Variants in SLIT3 observed in about 807,000 individuals in gnomAD.
The protein encoded by SLIT3 is slit homolog 3 protein.
In SLIT3, 68 loss-of-function variants were observed where a neutral mutation model predicts 184.0. The ratio of observed to expected loss-of-function variants is 0.37; its 90% CI spans 0.30 to 0.45. The LOEUF (loss-of-function observed/expected upper bound fraction) is 0.45. SLIT3 is among the 20% of genes least tolerant of loss of function. SLIT3 has a pLI of 1.00. For synonymous variants in SLIT3, 831 were observed against 828.6 expected, an observed-to-expected ratio of 1.00 and a Z score of -0.05; for missense variants, 1,707 against 2,026.0, an observed-to-expected ratio of 0.84 and a Z score of 3.02.
At chr5:168,883,438 T>G (rs1760032341) in intron 4 of SLIT3, 102 bp from the exon 5 acceptor site, 1 of 872,800 alleles carries the variant, frequency 1.1e-6, no homozygotes, top group African/African-American at 1.6e-5. Flanking sequence ...CTGCTGCCTC[T>G]GCGGTCAGAG....
intron 9 of SLIT3, among the ~76,000 whole-genome samples, chr5:168,799,601 T>C (rs1482011519): frequency 2.6e-5 from 4 of 152,208 alleles, no homozygotes; most frequent in Non-Finnish European, 5.9e-5. Context: ...GTCAACATGA[T>C]GCCAGGGAGC....
In SLIT3 at chr5:168,666,687, T is replaced by A. The variant is rs138833208; in HGVS notation, c.4339A>T (p.Asn1447Tyr). The A allele has an allele frequency of 1.5e-5, 25 of 1,614,100 alleles. No homozygotes were observed. The highest frequency in any genetic ancestry group is 1.6e-4 in the Middle Eastern group (1 of 6,062). The stretch of plus-strand genomic sequence containing the variant: ...CGGACTACTTGTCCCAGGCACGGAT[T>A]CTCTGCAGAGGGCATAGAAGTCAGG... ...GFSGEHCQQENPCLGQVVREV... is the reference protein window; with the variant it reads ...GFSGEHCQQEYPCLGQVVREV... The change falls in exon 36 of 36, where the codon AAT (asparagine) becomes TAT (tyrosine). Residue 1447 changes from asparagine to tyrosine, a missense_variant and splice_region_variant. Transcript: ENST00000519560.
At chr5:168,883,686 C>A (rs1005424758) in intron 4 of SLIT3, among the ~76,000 whole-genome samples, 2 of 151,550 alleles carry the variant, frequency 1.3e-5, no homozygotes, top group African/African-American at 2.4e-5. Context: ...CCCCATCCCC[C>A]CAACCCCCAC....
chr5:168,955,900 A>G lies in SLIT3; in HGVS notation c.414-72564T>C, dbSNP rs543835814. Among the ~76,000 whole-genome samples, 184 of 152,280 alleles carry G rather than the reference A, an allele frequency of 1.2e-3. 2 individuals carry two copies. Among genetic ancestry groups the G allele is most frequent in the Middle Eastern group, 3.4e-3 (1 of 294 alleles). On this transcript the variant is annotated intron_variant, in intron 4 of 35. Coordinates refer to ENST00000519560, the MANE Select transcript of SLIT3 (RefSeq NM_003062.4). ...TATCTCCATTAGGAGCTACGACTTCAGGCTCAGGGATGCCATGCCTGCTGA... is the reference window on the plus strand; with the variant it reads ...TATCTCCATTAGGAGCTACGACTTCGGGCTCAGGGATGCCATGCCTGCTGA...
At chr5:169,109,201 A>G (rs1252933931) in intron 4 of SLIT3, among the ~76,000 whole-genome samples, 2 of 152,120 alleles carry the variant, frequency 1.3e-5, no homozygotes, top group African/African-American at 4.8e-5. Context: ...GTTGCATGAG[A>G]CTCTGTCTCA....
chr5:169,050,216 G>A (rs929039862), intron 4 of SLIT3, among the ~76,000 whole-genome samples: 5 of 152,168 alleles, frequency 3.3e-5, no homozygotes, highest in African/African-American at 1.2e-4. Flanking sequence ...AATTAAAGCA[G>A]AGTCACTCGA....
intron 9 of SLIT3, among the ~76,000 whole-genome samples, chr5:168,796,325 G>T (rs369457055): frequency 6.6e-6 from 1 of 152,202 alleles, no homozygotes; most frequent in Non-Finnish European, 1.5e-5. Context: ...AGAAGGGGCC[G>T]TGGGGAATGA....
intron 9 of SLIT3, among the ~76,000 whole-genome samples, chr5:168,798,217 C>CTTTTTTTTTTTTTT (rs1448584547): frequency 1.2e-5 from 1 of 81,132 alleles, no homozygotes; most frequent in African/African-American, 7.3e-5. Context: ...TTTTCTTCTT[C>CTTTTTTTTTTTTTT]TTCTTCTTTT....
chr5:169,045,768 A>G (rs1382150405), intron 4 of SLIT3, among the ~76,000 whole-genome samples: 2 of 152,170 alleles, frequency 1.3e-5, no homozygotes, highest in Admixed American at 1.3e-4. Context: ...CTGCCTAATT[A>G]AGAAGAGTTT....
intron 19 of SLIT3, among the ~76,000 whole-genome samples, chr5:168,749,119 G>A (rs76600702): frequency 0.072 from 10,914 of 152,224 alleles, 516 homozygotes; most frequent in Non-Finnish European, 0.1. Flanking sequence ...ATCATTTAAG[G>A]GGCACCAATC....
intron 4 of SLIT3, among the ~76,000 whole-genome samples, chr5:168,979,856 G>A (rs59282035): frequency 0.053 from 8,040 of 152,226 alleles, 238 homozygotes; most frequent in African/African-American, 0.058. Flanking sequence ...AACCTTCGTA[G>A]GTTTTCAACC....
chr5:169,234,324 C>T (rs563107830), intron 3 of SLIT3, among the ~76,000 whole-genome samples: 5 of 152,272 alleles, frequency 3.3e-5, no homozygotes, highest in African/African-American at 9.6e-5. Flanking sequence ...GTCACATTTC[C>T]GCACCAACTT....
chr5:169,243,089 G>A (rs1408000289), intron 3 of SLIT3, among the ~76,000 whole-genome samples: 2 of 151,938 alleles, frequency 1.3e-5, no homozygotes, highest in East Asian at 3.9e-4. Context: ...CAAAATGAGG[G>A]TAATTACACC....
intron 4 of SLIT3, among the ~76,000 whole-genome samples, chr5:168,983,579 C>T (rs934633585): frequency 1.3e-5 from 2 of 152,104 alleles, no homozygotes; most frequent in Non-Finnish European, 2.9e-5. Flanking sequence ...CTGTGAGCCC[C>T]GAGCAAAATC....
chr5:168,911,870 A>G (rs181060671), intron 4 of SLIT3, among the ~76,000 whole-genome samples: 21 of 152,352 alleles, frequency 1.4e-4, no homozygotes, highest in Admixed American at 9.1e-4. Flanking sequence ...CATGAAACCT[A>G]CACTGCATGA....
intron 4 of SLIT3, among the ~76,000 whole-genome samples, chr5:168,933,125 G>T (rs996478066): frequency 6.6e-6 from 1 of 152,070 alleles, no homozygotes. Context: ...AGATGTGCAG[G>T]GGGGTGGTGA....
chr5:169,246,167 A>G (rs1157727795), intron 2 of SLIT3, among the ~76,000 whole-genome samples: 1 of 152,164 alleles, frequency 6.6e-6, no homozygotes, highest in Admixed American at 6.5e-5. Context: ...CTTTTGACAA[A>G]TCAGCTCTCA....
chr5:169,199,378 G>A (rs561857229), intron 3 of SLIT3, among the ~76,000 whole-genome samples: 2 of 152,128 alleles, frequency 1.3e-5, no homozygotes, highest in Non-Finnish European at 2.9e-5. Flanking sequence ...ATGAAAAGTC[G>A]CTCCAGGTGG....
intron 4 of SLIT3, among the ~76,000 whole-genome samples, chr5:169,100,218 C>T (rs566035012): frequency 6.6e-6 from 1 of 152,242 alleles, no homozygotes; most frequent in African/African-American, 2.4e-5. Context: ...GAATGGTGAA[C>T]ATGGAATCCC....
Sources: gnomAD v4.1 joint callset for allele counts (sites outside exome capture counted in the v4.1 genomes callset) on GRCh38, gnomAD v4.1.1 for gene constraint, MANE v1.5 for transcripts, NCBI Gene and HGNC (gene_info 2026-07-23, HGNC 2026-07-21) for gene names.